The following SYNE3 variants were observed in gnomAD, a reference collection of about 807,000 sequenced individuals.
SYNE3 encodes the protein spectrin repeat containing nuclear envelope family member 3.
In SYNE3, 100 loss-of-function variants were observed where a neutral mutation model predicts 111.2. That is an observed-to-expected ratio of 0.90 (90% CI 0.77 to 1.06). SYNE3 has a LOEUF of 1.06. Among genes scored for constraint, SYNE3 ranks in the 50% least tolerant of loss-of-function variants. The pLI, the probability that SYNE3 is intolerant of heterozygous loss-of-function variation, is 0.00. For missense variants in SYNE3, 1,160 were observed against 1,240.3 expected, an observed-to-expected ratio of 0.94 and a Z score of 0.97; for synonymous variants, 547 against 533.9, an observed-to-expected ratio of 1.02 and a Z score of -0.34.
intron 4 of SYNE3, among the ~76,000 whole-genome samples, chr14:95,463,775 G>T (rs920802204): frequency 8.5e-5 from 13 of 152,376 alleles, no homozygotes; most frequent in African/African-American, 3.1e-4. Flanking sequence ...CCTGCGGGTT[G>T]CTTGCCTTCA....
At chr14:95,487,925 C>T (rs1463564875) in intron 1 of SYNE3, among the ~76,000 whole-genome samples, 1 of 150,978 alleles carries the variant, frequency 6.6e-6, no homozygotes, top group South Asian at 2.1e-4. Flanking sequence ...TCTTCCTCCT[C>T]CTCCTCCTCC....
chr14:95,489,968 G>A (rs734314), intron 1 of SYNE3, among the ~76,000 whole-genome samples: 2,270 of 152,284 alleles, frequency 0.015, 26 homozygotes, highest in Non-Finnish European at 0.025. Flanking sequence ...TAGGAGTCAT[G>A]GTTCCAGCGT....
chr14:95,466,126 C>T lies in SYNE3; in HGVS notation c.432G>A (p.Leu144=). ...VTLEPHIELQ[L]GLKEKQWQLS... ...GCTGCCACTGCTTCTCCTTCAGGCC[C>T]AGCTGGAGCTCGATGTGGGGCTCCA... Residue 144 remains leucine, a synonymous_variant, in exon 4 of 18, where the codon CTG becomes CTA. Coordinates refer to ENST00000682763, the MANE Select transcript of SYNE3 (RefSeq NM_152592.6). The T allele has an allele frequency of 6.2e-7, 1 of 1,612,612 alleles. No homozygotes were observed. Among genetic ancestry groups the T allele is most frequent in the East Asian group, 2.2e-5 (1 of 44,838 alleles).
At chr14:95,515,631 C>G (rs1413870262) in intron 1 of SYNE3, among the ~76,000 whole-genome samples, 1 of 152,206 alleles carries the variant, frequency 6.6e-6, no homozygotes, top group Admixed American at 6.5e-5. Flanking sequence ...ATGGGGCATG[C>G]CCCCAAGACA....
chr14:95,453,777 G>A (rs561299913), intron 6 of SYNE3, among the ~76,000 whole-genome samples: 1 of 152,340 alleles, frequency 6.6e-6, no homozygotes, highest in East Asian at 1.9e-4. Context: ...GCCACTGGAA[G>A]GCCCATCATC....
At chr14:95,426,506 G>A (rs894168705) in intron 17 of SYNE3, among the ~76,000 whole-genome samples, 2 of 152,162 alleles carry the variant, frequency 1.3e-5, no homozygotes, top group African/African-American at 4.8e-5. Flanking sequence ...ACTATAAAAG[G>A]AGAAGGTAGT....
chr14:95,449,030 T>A (rs1263785807), intron 8 of SYNE3, among the ~76,000 whole-genome samples: 1 of 152,236 alleles, frequency 6.6e-6, no homozygotes, highest in Non-Finnish European at 1.5e-5. Flanking sequence ...CCACTCTTTG[T>A]GTCTAAGAAT....
At chr14:95,490,411 C>T (rs1333084784) in intron 1 of SYNE3, among the ~76,000 whole-genome samples, 2 of 152,236 alleles carry the variant, frequency 1.3e-5, no homozygotes, top group African/African-American at 2.4e-5. Context: ...CTATTTTCTA[C>T]AGCACCATAC....
chr14:95,484,164 G>A (rs1244164726), intron 1 of SYNE3, among the ~76,000 whole-genome samples: 2 of 152,218 alleles, frequency 1.3e-5, no homozygotes, highest in African/African-American at 4.8e-5. Flanking sequence ...AAATACAGGT[G>A]TTTGAGAGGG....
intron 15 of SYNE3, among the ~76,000 whole-genome samples, chr14:95,435,841 G>A (rs915361733): frequency 6.6e-6 from 1 of 152,154 alleles, no homozygotes. Flanking sequence ...ATTAGGGGGA[G>A]GACAGGGTCA....
chr14:95,475,056 T>C (rs1888795265), intron 2 of SYNE3, among the ~76,000 whole-genome samples: 1 of 152,228 alleles, frequency 6.6e-6, no homozygotes, highest in Non-Finnish European at 1.5e-5. Flanking sequence ...CCTCCGACTC[T>C]TAGCTCAGTA....
At chr14:95,467,553 A>G (rs1888264515) in intron 3 of SYNE3, among the ~76,000 whole-genome samples, 1 of 152,228 alleles carries the variant, frequency 6.6e-6, no homozygotes, top group Non-Finnish European at 1.5e-5. Context: ...GAGGATGCAC[A>G]CACGGTAAGT....
In SYNE3 at chr14:95,485,555, A is replaced by G. The variant is rs928750152; in HGVS notation, c.-14-9720T>C. Among the ~76,000 whole-genome samples the G allele has an allele frequency of 5.3e-5, 8 of 151,930 alleles. No homozygotes were observed. Among genetic ancestry groups the G allele is most frequent in the African/African-American group, 1.9e-4 (8 of 41,438 alleles). On this transcript the variant is annotated intron_variant, in intron 1 of 17. Transcript: ENST00000682763. This position sits in a 1 kb window ranked among gnomAD's most constrained non-coding sequence, Gnocchi z 4.3. ...TCTGCAACCCCACCTTCTGATGGCC[A>G]CCCCTGCCCCACAGCCCCTAGACCT...
At chr14:95,444,769 C>T (rs1886615755) in intron 9 of SYNE3, 141 bp from the exon 10 acceptor site, 3 of 1,069,890 alleles carry the variant, frequency 2.8e-6, no homozygotes, top group Admixed American at 6.3e-5. Flanking sequence ...AGGAAGCCTT[C>T]CCTGAGCCCT....
chr14:95,492,469 AGAAACCTTG>A (rs1889895238), intron 1 of SYNE3, among the ~76,000 whole-genome samples: 1 of 152,252 alleles, frequency 6.6e-6, no homozygotes. Flanking sequence ...CACAATATAG[AGAAACCTTG>A]GAAACGTTGT....
At chr14:95,427,813 T>A (rs1487908206) in intron 17 of SYNE3, among the ~76,000 whole-genome samples, 3 of 152,180 alleles carry the variant, frequency 2.0e-5, no homozygotes, top group Non-Finnish European at 4.4e-5. Context: ...TTCTTTTATC[T>A]CTTTGTCTTG....
chr14:95,450,360 G>A, intron 7 of SYNE3: 1 of 526,156 alleles, frequency 1.9e-6, no homozygotes, highest in Non-Finnish European at 3.4e-6. Flanking sequence ...GGGGCTCCTT[G>A]GGACCTGTAG....
intron 11 of SYNE3, among the ~76,000 whole-genome samples, chr14:95,441,541 A>G (rs543389021): frequency 6.6e-6 from 1 of 152,370 alleles, no homozygotes; most frequent in South Asian, 2.1e-4. Flanking sequence ...AACAATCAAT[A>G]AGAATTGGAA....
In SYNE3 at chr14:95,483,181, T is replaced by G. The variant is rs535996427; in HGVS notation, c.-14-7346A>C. ...GCCCTGTGCCAACCCAGCTGCCCAC[T>G]GACATTCTGCTCTGGAACTCAGAAG... On this transcript the variant is annotated intron_variant, in intron 1 of 17. Coordinates refer to ENST00000682763, the MANE Select transcript of SYNE3 (RefSeq NM_152592.6). 2.6e-3 allele frequency among the ~76,000 whole-genome samples: 395 copies of G among 152,296 alleles called. 1 individual carries two copies. Among genetic ancestry groups the G allele is most frequent in the African/African-American group, 8.7e-3 (361 of 41,554 alleles).
Sources: allele counts gnomAD v4.1 joint callset (sites outside exome capture counted in the v4.1 genomes callset), GRCh38; gene constraint gnomAD v4.1.1; non-coding constraint Gnocchi (gnomAD v3.1); transcripts MANE v1.5; gene names NCBI Gene and HGNC (gene_info 2026-07-23, HGNC 2026-07-21).